Variants in CAMK1D observed in about 807,000 individuals in gnomAD.
CAMK1D encodes the protein calcium/calmodulin dependent protein kinase ID, also known as calcium/calmodulin-dependent protein kinase type 1D.
CAMK1D carries 9 observed loss-of-function variants against 47.7 expected under a neutral mutation model. That is an observed-to-expected ratio of 0.19 (90% CI 0.11 to 0.33). The LOEUF is 0.33. Among genes scored for constraint, CAMK1D ranks in the 10% least tolerant of loss-of-function variants. The pLI is 1.00. For synonymous variants in CAMK1D, 184 were observed against 184.9 expected, an observed-to-expected ratio of 0.99 and a Z score of 0.04; for missense variants, 291 against 488.7, an observed-to-expected ratio of 0.60 and a Z score of 3.81.
At chr10:12,545,865 A>G (rs1014828602) in intron 1 of CAMK1D, among the ~76,000 whole-genome samples, 1 of 151,506 alleles carries the variant, frequency 6.6e-6, no homozygotes, top group African/African-American at 2.4e-5. Flanking sequence ...AATGACGTTC[A>G]GGGAAGGAGG....
chr10:12,803,641 G>T (rs1029722418), intron 6 of CAMK1D, among the ~76,000 whole-genome samples: 1 of 151,956 alleles, frequency 6.6e-6, no homozygotes, highest in African/African-American at 2.4e-5. Context: ...GGTAACAGAG[G>T]GAGACTCCAT....
chr10:12,688,410 AACTTCTCTTT>A (rs1368891556), intron 3 of CAMK1D, among the ~76,000 whole-genome samples: 3 of 152,222 alleles, frequency 2.0e-5, no homozygotes, highest in African/African-American at 7.2e-5. Flanking sequence ...TCTAATTACT[AACTTCTCTTT>A]AGCCTCTGGA....
Position 12,370,273 on chromosome 10 carries a change from C to T in CAMK1D, c.92+20363C>T, listed in dbSNP as rs28414128. On this transcript the variant is annotated intron_variant, in intron 1 of 10. Transcript: ENST00000619168. ...TCAACAGACCTGTTACACTGCCAGT[C>T]GCACAGAAGTCCGGCACATACAATT... Among the ~76,000 whole-genome samples the T allele has an allele frequency of 9.3e-3, 1,420 of 152,188 alleles. 21 individuals carry two copies. Among genetic ancestry groups the T allele is most frequent in the African/African-American group, 0.032 (1,316 of 41,522 alleles).
At chr10:12,816,872 C>CAAA (rs71386122) in intron 8 of CAMK1D, among the ~76,000 whole-genome samples, 27 of 57,384 alleles carry the variant, frequency 4.7e-4, no homozygotes, top group African/African-American at 6.1e-4. Flanking sequence ...AACTCTGTCT[C>CAAA]AAAAAAAAAA....
intron 1 of CAMK1D, among the ~76,000 whole-genome samples, chr10:12,526,572 G>C (rs562438355): frequency 6.6e-6 from 1 of 152,240 alleles, no homozygotes; most frequent in South Asian, 2.1e-4. Context: ...CTATTTTGCA[G>C]TTCTTCATAA....
chr10:12,788,301 A>G (rs957463096), intron 5 of CAMK1D, among the ~76,000 whole-genome samples: 1 of 152,208 alleles, frequency 6.6e-6, no homozygotes, highest in Non-Finnish European at 1.5e-5. Context: ...GGCACGGGGC[A>G]GGAGGTTGTG....
At position 12,794,389 on chromosome 10, in the gene CAMK1D, C is replaced by T. The variant is rs200406184; in HGVS notation, c.641+3156C>T. Among the ~76,000 whole-genome samples the T allele has an allele frequency of 2.0e-5, 3 of 152,170 alleles. No homozygotes were observed. In the East Asian group the frequency reaches 5.8e-4, roughly 29 times the overall value. ...ATAATTTGGTTTTGGATACATTAAGCTTGAGACCCTTGGAAGATACCCACT... is the reference window on the plus strand; with the variant it reads ...ATAATTTGGTTTTGGATACATTAAGTTTGAGACCCTTGGAAGATACCCACT... On this transcript the variant is annotated intron_variant, in intron 6 of 10. Transcript: ENST00000619168.
At chr10:12,497,269 G>C (rs576307211) in intron 1 of CAMK1D, among the ~76,000 whole-genome samples, 2 of 152,078 alleles carry the variant, frequency 1.3e-5, no homozygotes, top group East Asian at 3.9e-4. Context: ...ACGAGATCAA[G>C]AAATTGAGAC....
chr10:12,567,826 G>C (rs1837171411), intron 2 of CAMK1D, among the ~76,000 whole-genome samples: 1 of 152,180 alleles, frequency 6.6e-6, no homozygotes, highest in African/African-American at 2.4e-5. Flanking sequence ...AAGCACGGCA[G>C]AGTGCAAATT....
chr10:12,439,173 C>A (rs144923326), intron 1 of CAMK1D, among the ~76,000 whole-genome samples: 1 of 152,188 alleles, frequency 6.6e-6, no homozygotes, highest in Non-Finnish European at 1.5e-5. Flanking sequence ...GCCTTGTGTA[C>A]CACAGACTAA....
chr10:12,658,024 C>T (rs1840167595), intron 2 of CAMK1D, among the ~76,000 whole-genome samples: 1 of 152,144 alleles, frequency 6.6e-6, no homozygotes, highest in African/African-American at 2.4e-5. Flanking sequence ...GTGGCACGTA[C>T]CTGTAGTCCT....
intron 3 of CAMK1D, among the ~76,000 whole-genome samples, chr10:12,748,987 G>C (rs977583138): frequency 5.3e-5 from 8 of 152,146 alleles, no homozygotes; most frequent in Non-Finnish European, 1.2e-4. Flanking sequence ...TGTTCAATTT[G>C]ATTGTAACTA....
chr10:12,798,067 A>G (rs533218521), intron 6 of CAMK1D, among the ~76,000 whole-genome samples: 2 of 152,336 alleles, frequency 1.3e-5, no homozygotes, highest in African/African-American at 4.8e-5. Context: ...TTCAAAGGCC[A>G]TGAGGTAGAG....
chr10:12,826,194 A>G (rs1331682728), intron 10 of CAMK1D: 1 of 154,694 alleles, frequency 6.5e-6, no homozygotes, highest in African/African-American at 2.4e-5. Flanking sequence ...TGCTATTTCC[A>G]TTTACAGTTG....
chr10:12,427,132 G>A (rs950784425), intron 1 of CAMK1D, among the ~76,000 whole-genome samples: 7 of 152,204 alleles, frequency 4.6e-5, no homozygotes, highest in African/African-American at 1.7e-4. Context: ...TGCTGTAGAT[G>A]TTTCTCAGGA....
At chr10:12,646,209 A>G (rs1384902442) in intron 2 of CAMK1D, among the ~76,000 whole-genome samples, 1 of 152,200 alleles carries the variant, frequency 6.6e-6, no homozygotes, top group Non-Finnish European at 1.5e-5. Flanking sequence ...ATGTTAGGAT[A>G]GTAATTTCCT....
intron 1 of CAMK1D, among the ~76,000 whole-genome samples, chr10:12,481,402 C>T (rs2132099324): frequency 6.6e-6 from 1 of 152,292 alleles, no homozygotes; most frequent in Admixed American, 6.5e-5. Flanking sequence ...GCACCCATTC[C>T]CTTAGTCCTT....
intron 5 of CAMK1D, among the ~76,000 whole-genome samples, chr10:12,785,435 C>T (rs1221840550): frequency 6.6e-6 from 1 of 152,198 alleles, no homozygotes; most frequent in South Asian, 2.1e-4. Context: ...AGCAGGGAGT[C>T]CTTGTCAGGT....
At chr10:12,522,885 C>G (rs546723050) in intron 1 of CAMK1D, among the ~76,000 whole-genome samples, 1 of 88,382 alleles carries the variant, frequency 1.1e-5, no homozygotes, top group Non-Finnish European at 2.3e-5. Context: ...CCCCCCACCT[C>G]CCTCCCGGAC....
Sources: gnomAD v4.1 joint callset for allele counts (sites outside exome capture counted in the v4.1 genomes callset) on GRCh38, gnomAD v4.1.1 for gene constraint, MANE v1.5 for transcripts, NCBI Gene and HGNC (gene_info 2026-07-23, HGNC 2026-07-21) for gene names.